The following TRAK1 variants were observed in gnomAD, a reference collection of about 807,000 sequenced individuals.
TRAK1 encodes trafficking kinesin-binding protein 1.
In TRAK1, 33 loss-of-function variants were observed where a neutral mutation model predicts 92.1. The observed-to-expected ratio is 0.36, with a 90% confidence interval of 0.27 to 0.48. The LOEUF (loss-of-function observed/expected upper bound fraction) is 0.48, where lower values mean the gene tolerates loss of function less well. Among genes scored for constraint, TRAK1 ranks in the 20% least tolerant of loss-of-function variants. The pLI is 0.99. For missense variants in TRAK1, 1,123 were observed against 1,257.9 expected, an observed-to-expected ratio of 0.89 and a Z score of 1.62; for synonymous variants, 521 against 517.3, an observed-to-expected ratio of 1.01 and a Z score of -0.10.
rs754684185 is a variant in TRAK1 at position 42,224,017 on chromosome 3, C to A, written c.*280C>A. 3 of 605,032 alleles carry A rather than the reference C, an allele frequency of 5.0e-6. No individual in the cohort carries two copies. 37.5% of individuals were successfully genotyped at this position (605,032 alleles called of 1,614,324 possible). ...CACTCTCACGAGGACGTCACCTGTG[C>A]TAACCTGGGGGAAGGTGGGGTCCTT... On this transcript the variant is annotated 3_prime_UTR_variant, in exon 16 of 16. Transcript: ENST00000327628.
intron 2 of TRAK1, among the ~76,000 whole-genome samples, chr3:42,152,923 G>A (rs1196707371): frequency 2.0e-5 from 3 of 152,166 alleles, no homozygotes; most frequent in African/African-American, 7.2e-5. Flanking sequence ...TGGGATTTCT[G>A]TGAGCCTCTG....
intron 2 of TRAK1, among the ~76,000 whole-genome samples, chr3:42,134,221 C>T (rs113630079): frequency 0.14 from 10,367 of 72,110 alleles, 445 homozygotes; most frequent in South Asian, 0.3. Flanking sequence ...CTCCCCTCCT[C>T]TCCTCTCCCC....
chr3:42,209,645 C>T (rs1411103981), intron 13 of TRAK1, 122 bp from the exon 14 acceptor site: 1 of 978,344 alleles, frequency 1.0e-6, no homozygotes, highest in African/African-American at 1.6e-5. Flanking sequence ...CACCTGGAGG[C>T]CCAGACCCTG....
chr3:42,121,512 G>C (rs914739569), intron 1 of TRAK1, among the ~76,000 whole-genome samples: 7 of 152,122 alleles, frequency 4.6e-5, no homozygotes, highest in Admixed American at 3.9e-4. Context: ...GCCCGCCTTG[G>C]CCTCCCAAAG....
In TRAK1 at chr3:42,202,505, G is replaced by A; in HGVS notation, c.1497G>A (p.Leu499=). ...TPGSHDLETA[L]RRLSLRRENY... is the part of the protein sequence containing the mutation. ...GCTCCCACGACCTGGAGACGGCGCT[G>A]AGGCGGCTGTCCCTGCGCCGGGAGA... The change falls in exon 13 of 16, where the codon CTG becomes CTA. Residue 499 remains leucine, a synonymous_variant. Transcript: ENST00000327628. This position sits in a 1 kb window ranked among gnomAD's most constrained non-coding sequence, Gnocchi z 6.1. 6.6e-7 allele frequency: 1 copy of A among 1,521,778 alleles called. No individual in the cohort carries two copies. The highest frequency in any genetic ancestry group is 8.9e-7 in the Non-Finnish European group (1 of 1,129,716). 94.3% of individuals were successfully genotyped at this position (1,521,778 alleles called of 1,614,324 possible). A position where few individuals can be genotyped will look rare whatever the true frequency, so the allele number is the denominator to read the frequency against.
intron 2 of TRAK1, among the ~76,000 whole-genome samples, chr3:42,174,753 G>C (rs1702987718): frequency 6.7e-6 from 1 of 149,536 alleles, no homozygotes; most frequent in Middle Eastern, 3.5e-3. Context: ...TTTTAGTGGA[G>C]ACAGGGTTTT....
Position 42,134,704 on chromosome 3 carries a change from A to G in TRAK1, c.286+9090A>G, listed in dbSNP as rs536756858. 3.4e-5 allele frequency among the ~76,000 whole-genome samples: 5 copies of G among 148,682 alleles called. No individual in the cohort carries two copies. The East Asian group carries it at 1.0e-3, about 30-fold the overall frequency. ...TGGGTTCACGCCATTCACCTGCCTC[A>G]GTCTCCTGAGTAGCTGGGACTACAG... On this transcript the variant is annotated intron_variant, in intron 2 of 15. Transcript: ENST00000327628.
chr3:42,111,876 G>T (rs910356353), intron 1 of TRAK1, among the ~76,000 whole-genome samples: 1 of 149,804 alleles, frequency 6.7e-6, no homozygotes, highest in African/African-American at 2.4e-5. Context: ...TATGAAATTT[G>T]CCAACACTTG....
chr3:42,047,304 T>G (rs989050090), intron 1 of TRAK1, among the ~76,000 whole-genome samples: 5 of 147,098 alleles, frequency 3.4e-5, no homozygotes, highest in African/African-American at 1.2e-4. Context: ...CAAGTGATCC[T>G]CCCACCTCAG....
chr3:42,221,129 A>G (rs938990867), intron 15 of TRAK1, among the ~76,000 whole-genome samples: 8 of 149,818 alleles, frequency 5.3e-5, no homozygotes, highest in African/African-American at 2.0e-4. Context: ...TTGAAATAAA[A>G]TGGAAACAAA....
At chr3:42,068,312 A>C (rs1242061314) in intron 1 of TRAK1, among the ~76,000 whole-genome samples, 1 of 152,152 alleles carries the variant, frequency 6.6e-6, no homozygotes, top group Middle Eastern at 3.2e-3. Context: ...GTGTGCCACC[A>C]CGTCCAGCTA....
chr3:42,220,665 A>G (rs368441101), intron 15 of TRAK1: 5 of 932,264 alleles, frequency 5.4e-6, no homozygotes, highest in East Asian at 1.2e-4. Flanking sequence ...CGTGGCCGCC[A>G]CTAACCCGGG....
At chr3:42,210,569 C>T in intron 14 of TRAK1, 1 of 1,088,072 alleles carries the variant, frequency 9.2e-7, no homozygotes, top group Non-Finnish European at 1.1e-6. Flanking sequence ...CTGGGTCATT[C>T]AGAAGGTAAA....
In TRAK1 at chr3:42,172,365, A is replaced by G. The variant is rs570986190; in HGVS notation, c.287-4449A>G. On this transcript the variant is annotated intron_variant, in intron 2 of 15. Transcript: ENST00000327628. ...TCTTGTCCTTGTTGTCCCAGTGAGAAGCCCTGATCAGTGCTTTTTGATTTA... is the reference window on the plus strand; with the variant it reads ...TCTTGTCCTTGTTGTCCCAGTGAGAGGCCCTGATCAGTGCTTTTTGATTTA... 1.4e-4 allele frequency among the ~76,000 whole-genome samples: 22 copies of G among 152,322 alleles called. No individual in the cohort carries two copies. The South Asian group carries it at 1.9e-3, about 13-fold the overall frequency.
intron 3 of TRAK1, among the ~76,000 whole-genome samples, chr3:42,178,801 C>A (rs1273142530): frequency 6.6e-6 from 1 of 152,018 alleles, no homozygotes; most frequent in Non-Finnish European, 1.5e-5. Context: ...ATGGCCAAAC[C>A]ATGTGTCTAC....
chr3:42,067,907 C>T (rs551702400), intron 1 of TRAK1, among the ~76,000 whole-genome samples: 77 of 152,114 alleles, frequency 5.1e-4, no homozygotes, highest in Admixed American at 3.1e-3. Flanking sequence ...CGCAGTGGGT[C>T]ACTCCTGTAA....
intron 2 of TRAK1, among the ~76,000 whole-genome samples, chr3:42,138,339 C>T (rs1698211860): frequency 6.6e-6 from 1 of 152,074 alleles, no homozygotes; most frequent in South Asian, 2.1e-4. Context: ...GAGCAGAGTC[C>T]ATGTCTGCTT....
intron 15 of TRAK1, 140 bp from the exon 16 acceptor site, chr3:42,222,802 G>T: frequency 1.2e-6 from 1 of 807,344 alleles, no homozygotes. Flanking sequence ...CGTGGACAGA[G>T]CCTTTGGGGG....
intron 1 of TRAK1, among the ~76,000 whole-genome samples, chr3:42,022,669 C>T (rs1701761667): frequency 6.6e-6 from 1 of 151,550 alleles, no homozygotes. Flanking sequence ...TTGCAGTGAG[C>T]CATGATTACA....
Sources: allele counts gnomAD v4.1 joint callset (sites outside exome capture counted in the v4.1 genomes callset), GRCh38; gene constraint gnomAD v4.1.1; non-coding constraint Gnocchi (gnomAD v3.1); transcripts MANE v1.5; gene names NCBI Gene and HGNC (gene_info 2026-07-23, HGNC 2026-07-21).